EFTUD2: variants seen among roughly 807,000 people sequenced by gnomAD.
The protein encoded by EFTUD2 is elongation factor Tu GTP binding domain containing 2.
Under a neutral mutation model 114.3 loss-of-function variants are expected in EFTUD2, and 9 were observed. That is an observed-to-expected ratio of 0.08 (90% CI 0.05 to 0.14). The LOEUF (loss-of-function observed/expected upper bound fraction) is 0.14. Among genes scored for constraint, EFTUD2 ranks in the 10% least tolerant of loss-of-function variants. The probability of loss-of-function intolerance (pLI) is 1.00; values close to 1 mark genes in which losing one functional copy is unlikely to be tolerated. For missense variants in EFTUD2, 765 were observed against 1,241.2 expected (o/e 0.62, Z 5.76); for synonymous variants, 449 against 462.3 (o/e 0.97, Z 0.37).
In EFTUD2 at chr17:44,864,992, A is replaced by C; in HGVS notation, c.1223T>G (p.Leu408Arg). 4 of 1,614,180 alleles carry C rather than the reference A, an allele frequency of 2.5e-6. No homozygotes were observed. Among genetic ancestry groups the C allele is most frequent in the Non-Finnish European group, 3.4e-6 (4 of 1,180,046 alleles). Reference sequence around the variant, plus strand: ...GAGCAAGGGGCGGATGTTCAGCTTCAGCTCCTCCTTCGTCAGGTGGATGCC... The same window carrying C: ...GAGCAAGGGGCGGATGTTCAGCTTCCGCTCCTCCTTCGTCAGGTGGATGCC... ...ELGIHLTKEE[L>R]KLNIRPLLRL... The change falls in exon 14 of 28, where the codon CTG becomes CGG. Residue 408 changes from leucine (L) to arginine (R), a missense_variant. Around this residue, in one of 6 missense-constraint regions of EFTUD2, gnomAD observed 251 missense variants for 357.7 expected, o/e 0.70. Transcript: ENST00000426333.
At chr17:44,883,613 A>G (rs758850053) in intron 5 of EFTUD2, 36 bp downstream of exon 5, 1 of 1,592,186 alleles carries the variant, frequency 6.3e-7, no homozygotes, top group South Asian at 1.1e-5. Flanking sequence ...TACAAAAGAG[A>G]AATCCTGTTC....
chr17:44,872,397 C>T (rs754481848), intron 11 of EFTUD2, 49 bp downstream of exon 11: 1 of 1,604,558 alleles, frequency 6.2e-7, no homozygotes, highest in Non-Finnish European at 8.5e-7. Context: ...AGGAAAGGCA[C>T]ACAGGACTCA....
At chr17:44,852,344 G>A in intron 26 of EFTUD2, 65 bp downstream of exon 26, 1 of 1,600,838 alleles carries the variant, frequency 6.2e-7, no homozygotes, top group South Asian at 1.1e-5. Context: ...GAGGGATCAG[G>A]ACAGAAGGGG....
chr17:44,851,581 G>A, intron 27 of EFTUD2, 129 bp downstream of exon 27: 1 of 1,055,608 alleles, frequency 9.5e-7, no homozygotes, highest in Middle Eastern at 3.1e-4. Flanking sequence ...TGCCTAAGGA[G>A]TATACAGATC....
At chr17:44,858,456 G>C (rs117845164) in intron 19 of EFTUD2, among the ~76,000 whole-genome samples, 1,634 of 152,192 alleles carry the variant, frequency 0.011, 45 homozygotes, top group Admixed American at 0.058. Context: ...AAAAAGGAGA[G>C]CAATGGCACA....
At chr17:44,896,705 T>C (rs762891613) in intron 1 of EFTUD2, among the ~76,000 whole-genome samples, 5 of 152,120 alleles carry the variant, frequency 3.3e-5, no homozygotes, top group Non-Finnish European at 7.4e-5. Context: ...TCACCAACTA[T>C]AGTTTATAAG....
chr17:44,856,132 A>AC (rs2050548736), intron 20 of EFTUD2, among the ~76,000 whole-genome samples: 1 of 143,040 alleles, frequency 7.0e-6, no homozygotes, highest in Non-Finnish European at 1.5e-5. Context: ...CCCTGTCTCA[A>AC]AAAAAAAAAA....
chr17:44,867,830 G>C lies in EFTUD2; in HGVS notation c.1126C>G (p.Pro376Ala). The C allele has an allele frequency of 2.5e-6, 4 of 1,603,412 alleles. No individual in the cohort carries two copies. The highest frequency in any genetic ancestry group is 2.6e-6 in the Non-Finnish European group (3 of 1,174,742). ...QRSFVEFILE[P>A]LYKILAQVVG... ...ACCTGGGCGAGGATCTTATAAAGAG[G>C]CTCCAAGATAAACTCCACGAAACTT... Residue 376 changes from proline to alanine, a missense_variant, in exon 13 of 28, where the codon CCT becomes GCT. Transcript: ENST00000426333.
intron 25 of EFTUD2, 85 bp from the exon 26 acceptor site, chr17:44,852,647 T>G: frequency 4.0e-6 from 6 of 1,504,174 alleles, no homozygotes; most frequent in Non-Finnish European, 2.7e-6. Flanking sequence ...GTCCCCCAAA[T>G]GCATTCCAGC....
Position 44,864,853 on chromosome 17 carries a change from G to A in EFTUD2, c.1285+77C>T, listed in dbSNP as rs144306566. 7 of 1,564,606 alleles carry A rather than the reference G, an allele frequency of 4.5e-6. No individual in the cohort carries two copies. In the African/African-American group the frequency reaches 6.8e-5, roughly 15 times the overall value. ...CTCAGATTTCTGACCTCCATCGCTG[G>A]GTGAGAAAAAATTGCTGTGATACCT... On this transcript the variant is annotated intron_variant, in intron 14 of 27. Transcript: ENST00000426333.
intron 25 of EFTUD2, 89 bp from the exon 26 acceptor site, chr17:44,852,651 T>A: frequency 3.4e-6 from 5 of 1,465,168 alleles, no homozygotes; most frequent in Non-Finnish European, 4.7e-6. Flanking sequence ...CCCAAATGCA[T>A]TCCAGCCCAG....
intron 18 of EFTUD2, 102 bp downstream of exon 18, chr17:44,859,803 G>C (rs72826899): frequency 1.1e-5 from 18 of 1,566,828 alleles, no homozygotes; most frequent in Middle Eastern, 4.5e-4. Context: ...CTTCCTGTAA[G>C]CAGCAGATCA....
At chr17:44,864,855 T>C in intron 14 of EFTUD2, 75 bp downstream of exon 14, 1 of 1,564,122 alleles carries the variant, frequency 6.4e-7, no homozygotes, top group Non-Finnish European at 8.7e-7. Flanking sequence ...CATCGCTGGG[T>C]GAGAAAAAAT....
At chr17:44,859,533 C>A (rs933395201) in intron 18 of EFTUD2, 2 of 499,618 alleles carry the variant, frequency 4.0e-6, no homozygotes, top group Admixed American at 6.5e-5. Context: ...GTACAAGGAT[C>A]AGAGTAACAA....
At chr17:44,862,996 A>G (rs756038852) in intron 15 of EFTUD2, 90 bp from the exon 16 acceptor site, 2 of 1,096,662 alleles carry the variant, frequency 1.8e-6, no homozygotes, top group Non-Finnish European at 2.7e-6. Context: ...CAAGGACATG[A>G]GCTCTATGAG....
At position 44,852,533 on chromosome 17, in the gene EFTUD2, G is replaced by A. The variant is rs146779912; in HGVS notation, c.2591C>T (p.Pro864Leu). The A allele has an allele frequency of 1.6e-5, 26 of 1,614,012 alleles. No individual in the cohort carries two copies. Among genetic ancestry groups the A allele is most frequent in the Non-Finnish European group, 1.9e-5 (23 of 1,180,032 alleles). Residue 864 changes from proline (P) to leucine (L), a missense_variant, in exon 26 of 28, where the codon CCA (proline) becomes CTA (leucine). Pro to Leu is a moderately conservative substitution (Grantham distance 98, BLOSUM62 -3). Transcript: ENST00000426333. Reference protein sequence around the residue: ...RGHVTQDAPIPGSPLYTIKAF... With the variant: ...RGHVTQDAPILGSPLYTIKAF... ...TTTGATGGTGTACAGAGGGGAGCCT[G>A]GGATGGGTGCATCCTGAGTCACGTG...
At chr17:44,867,711 G>C in intron 13 of EFTUD2, 96 bp downstream of exon 13, 1 of 1,090,228 alleles carries the variant, frequency 9.2e-7, no homozygotes, top group Non-Finnish European at 1.2e-6. Context: ...ACATAAAACT[G>C]AGCAGGTTTA....
chr17:44,876,851 G>T (rs1443081387), intron 9 of EFTUD2, among the ~76,000 whole-genome samples: 1 of 36,194 alleles, frequency 2.8e-5, no homozygotes, highest in Non-Finnish European at 4.4e-5. Flanking sequence ...GTGAGACTCC[G>T]TCTCAAAAAA....
At position 44,861,744 on chromosome 17, in the gene EFTUD2, G is replaced by T. The variant is rs1049565238; in HGVS notation, c.1607+969C>A. The stretch of plus-strand genomic sequence containing the variant: ...GTGAGACTCCATCTCAAAAAAAAAA[G>T]CATCACAGAAAACTTCCACTTTCCC... On this transcript the variant is annotated intron_variant, in intron 16 of 27. Transcript: ENST00000426333. 1.6e-4 allele frequency among the ~76,000 whole-genome samples: 24 copies of T among 151,734 alleles called. No homozygotes were observed. In the South Asian group the frequency reaches 2.1e-3, roughly 13 times the overall value.
Sources: allele counts gnomAD v4.1 joint callset (sites outside exome capture counted in the v4.1 genomes callset), GRCh38; gene constraint gnomAD v4.1.1; regional missense constraint gnomAD v4.1.1; transcripts MANE v1.5; gene names NCBI Gene and HGNC (gene_info 2026-07-23, HGNC 2026-07-21).